The following MCMBP variants were observed in gnomAD, a reference collection of about 807,000 sequenced individuals.
The protein encoded by MCMBP is mini-chromosome maintenance complex-binding protein.
A neutral mutation model predicts 81.3 loss-of-function variants in MCMBP; 31 were observed. That is an observed-to-expected ratio of 0.38 (90% CI 0.29 to 0.51). The LOEUF (loss-of-function observed/expected upper bound fraction) is 0.51. Ranked by LOEUF, MCMBP falls within the 20% of genes least tolerant of loss-of-function variation. The probability of loss-of-function intolerance (pLI) is 0.87; values close to 1 mark genes in which losing one functional copy is unlikely to be tolerated. For synonymous variants in MCMBP, 267 were observed against 275.9 expected, an observed-to-expected ratio of 0.97 and a Z score of 0.32; for missense variants, 645 against 772.1, an observed-to-expected ratio of 0.84 and a Z score of 1.95.
chr10:119,864,840 GT>G (rs1853396478), intron 1 of MCMBP, among the ~76,000 whole-genome samples: 1 of 152,074 alleles, frequency 6.6e-6, no homozygotes, highest in African/African-American at 2.4e-5. Context: ...TTTTGGTTTA[GT>G]TCACAATATT....
chr10:119,857,687 G>A lies in MCMBP; in HGVS notation c.328-248C>T, dbSNP rs1315979894. ...GGACCTCTGGAGTGACTTATAATCT[G>A]GGTCTAGTTCTCTGCTTTGTGGATC... On this transcript the variant is annotated intron_variant, in intron 4 of 15. Coordinates refer to ENST00000369077, the MANE Select transcript of MCMBP (RefSeq NM_001256378.2). 9.8e-6 allele frequency: 3 copies of A among 307,300 alleles called. No homozygotes were observed. In the South Asian group the frequency reaches 1.6e-4, roughly 16 times the overall value. The allele number at this position is 307,300 out of a possible 1,614,324, so 19.0% of individuals were successfully genotyped here.
chr10:119,847,590 A>G, intron 8 of MCMBP, 23 bp downstream of exon 8: 1 of 1,448,312 alleles, frequency 6.9e-7, no homozygotes, highest in Non-Finnish European at 9.5e-7. Flanking sequence ...AAAGGAGACC[A>G]AAAAAAGAGC....
chr10:119,843,327 C>T lies in MCMBP; in HGVS notation c.927G>A (p.Val309=), dbSNP rs1349627858. ...PPASLVPRIH[V]ILAQKLQHIN... ...TGTGTTGCAACTTCTGGGCTAAGAT[C>T]ACATGAATTCTCGGCACTAATGAAG... Residue 309 remains valine, a synonymous_variant, in exon 9 of 16, where the codon GTG becomes GTA. Transcript: ENST00000369077. The T allele has an allele frequency of 6.2e-7, 1 of 1,614,014 alleles. No homozygotes were observed. The highest frequency in any genetic ancestry group is 1.1e-5 in the South Asian group (1 of 91,050).
At chr10:119,845,364 C>A (rs969449411) in intron 8 of MCMBP, among the ~76,000 whole-genome samples, 1 of 150,586 alleles carries the variant, frequency 6.6e-6, no homozygotes, top group Non-Finnish European at 1.5e-5. Context: ...AATCTCAAAA[C>A]AAAACAAAAA....
chr10:119,871,416 C>A (rs899902722), intron 1 of MCMBP, among the ~76,000 whole-genome samples: 2 of 151,612 alleles, frequency 1.3e-5, no homozygotes, highest in Admixed American at 6.6e-5. Context: ...TGGCTAAGTT[C>A]GGACGTCTAT....
intron 5 of MCMBP, among the ~76,000 whole-genome samples, chr10:119,853,619 A>G (rs1276782944): frequency 6.6e-6 from 1 of 152,190 alleles, no homozygotes; most frequent in African/African-American, 2.4e-5. Flanking sequence ...AAGCAACTGG[A>G]ATTTGCAGAG....
intron 8 of MCMBP, among the ~76,000 whole-genome samples, chr10:119,843,834 G>A (rs186467937): frequency 6.6e-6 from 1 of 152,022 alleles, no homozygotes; most frequent in East Asian, 1.9e-4. Flanking sequence ...GCTAATTTTT[G>A]TATTTTTAGT....
chr10:119,840,442 T>C (rs1852394281), intron 11 of MCMBP, among the ~76,000 whole-genome samples: 2 of 152,178 alleles, frequency 1.3e-5, no homozygotes, highest in Non-Finnish European at 2.9e-5. Flanking sequence ...AGCTCAACTT[T>C]CCAAACAGGA....
chr10:119,865,129 T>G (rs35676347), intron 1 of MCMBP, among the ~76,000 whole-genome samples: 8,411 of 152,340 alleles, frequency 0.055, 425 homozygotes, highest in South Asian at 0.27. Flanking sequence ...GTAAAATATC[T>G]AACTACAATT....
intron 1 of MCMBP, among the ~76,000 whole-genome samples, chr10:119,860,574 C>G (rs1853217779): frequency 6.6e-6 from 1 of 152,112 alleles, no homozygotes; most frequent in African/African-American, 2.4e-5. Context: ...TGACCCAATA[C>G]TATCCCCTCT....
At chr10:119,834,428 T>C (rs918805197) in intron 14 of MCMBP, among the ~76,000 whole-genome samples, 1 of 152,088 alleles carries the variant, frequency 6.6e-6, no homozygotes, top group Non-Finnish European at 1.5e-5. Flanking sequence ...TGGGAGGACA[T>C]ATTCGAAATG....
rs772010840 is a variant in MCMBP at position 119,835,668 on chromosome 10, G to A, written c.1579C>T (p.Pro527Ser). 1.9e-6 allele frequency: 3 copies of A among 1,614,128 alleles called. No homozygotes were observed. The highest frequency in any genetic ancestry group is 2.5e-6 in the Non-Finnish European group (3 of 1,180,052). Residue 527 changes from proline (P) to serine (S), a missense_variant, in exon 14 of 16, where the codon CCA (proline) becomes TCA (serine). Transcript: ENST00000369077. Reference sequence around the variant, plus strand: ...TTCATGTACTCCTCCATGTTTGGTGGAATTAGCTGGGGCTGTAAGTGAATC... The same window carrying A: ...TTCATGTACTCCTCCATGTTTGGTGAAATTAGCTGGGGCTGTAAGTGAATC... ...CQIHLQPQLI[P>S]PNMEEYMNSL...
intron 1 of MCMBP, among the ~76,000 whole-genome samples, chr10:119,866,836 G>A (rs1853475118): frequency 6.6e-6 from 1 of 152,070 alleles, no homozygotes; most frequent in Admixed American, 6.5e-5. Context: ...GGTGGCAGGC[G>A]CCTGTAGTCC....
chr10:119,857,338 T>C lies in MCMBP; in HGVS notation c.429A>G (p.Glu143=). Residue 143 remains glutamate, a splice_region_variant and synonymous_variant, in exon 5 of 16, where the codon GAA becomes GAG. Transcript: ENST00000369077. ...GTAAGAAAGTTCAGATAAAGGATATTTCTTTTACCCACGTAGATTCCCCAG... is the reference window on the plus strand; with the variant it reads ...GTAAGAAAGTTCAGATAAAGGATATCTCTTTTACCCACGTAGATTCCCCAG... ...PVPGESTWVK[E]AYVNANQARV... 6.3e-7 allele frequency: 1 copy of C among 1,599,032 alleles called. No individual in the cohort carries two copies. The highest frequency in any genetic ancestry group is 8.5e-7 in the Non-Finnish European group (1 of 1,169,590).
At chr10:119,849,351 C>T in intron 7 of MCMBP, 74 bp downstream of exon 7, 1 of 1,481,874 alleles carries the variant, frequency 6.7e-7, no homozygotes, top group East Asian at 2.4e-5. Flanking sequence ...GGAACAAATG[C>T]AAATGCTCAG....
intron 1 of MCMBP, among the ~76,000 whole-genome samples, chr10:119,861,003 G>T (rs1186399540): frequency 6.6e-6 from 1 of 152,168 alleles, no homozygotes; most frequent in Non-Finnish European, 1.5e-5. Flanking sequence ...GCACTTATGG[G>T]AACTGGCCAA....
chr10:119,850,386 G>T (rs1022051987), intron 6 of MCMBP, among the ~76,000 whole-genome samples: 1 of 152,134 alleles, frequency 6.6e-6, no homozygotes, highest in African/African-American at 2.4e-5. Context: ...CAACATGAGA[G>T]ATCTGGGTAA....
At chr10:119,850,897 CAG>C (rs1432829088) in intron 6 of MCMBP, among the ~76,000 whole-genome samples, 2 of 117,156 alleles carry the variant, frequency 1.7e-5, no homozygotes, top group Non-Finnish European at 3.4e-5. Flanking sequence ...TTTTTTGAGA[CAG>C]AGTCTCACCC....
intron 11 of MCMBP, among the ~76,000 whole-genome samples, chr10:119,838,942 A>G (rs773969644): frequency 2.6e-5 from 4 of 152,188 alleles, no homozygotes. Flanking sequence ...TTGAAAATCA[A>G]TTTTAATTTA....
Sources: gnomAD v4.1 joint callset for allele counts (sites outside exome capture counted in the v4.1 genomes callset) on GRCh38, gnomAD v4.1.1 for gene constraint, MANE v1.5 for transcripts, NCBI Gene and HGNC (gene_info 2026-07-23, HGNC 2026-07-21) for gene names.